FGF1: variants seen among roughly 807,000 people sequenced by gnomAD.
FGF1 encodes the protein fibroblast growth factor 1, also known as beta-endothelial cell growth factor.
A neutral mutation model predicts 13.4 loss-of-function variants in FGF1; 9 were observed. That is an observed-to-expected ratio of 0.67 (90% confidence interval 0.40 to 1.17). FGF1 has a LOEUF of 1.17. FGF1 is among the 50% of genes most tolerant of loss of function. The pLI, the probability that FGF1 is intolerant of heterozygous loss-of-function variation, is 0.01. For synonymous variants in FGF1, 93 were observed against 79.0 expected (o/e 1.18, Z -0.94); for missense variants, 156 against 192.7 (o/e 0.81, Z 1.13).
At chr5:142,604,592 G>A (rs1268924491) in intron 2 of FGF1, among the ~76,000 whole-genome samples, 4 of 152,100 alleles carry the variant, frequency 2.6e-5, no homozygotes, top group South Asian at 2.1e-4. Context: ...TTGTTGTAAG[G>A]GCTAATGCAT....
intron 1 of FGF1, among the ~76,000 whole-genome samples, chr5:142,619,467 T>C (rs1472108180): frequency 2.0e-5 from 3 of 152,196 alleles, no homozygotes; most frequent in Non-Finnish European, 4.4e-5. Flanking sequence ...ACCCAAAATC[T>C]TAATTCTTCC....
intron 1 of FGF1, among the ~76,000 whole-genome samples, chr5:142,641,816 A>G (rs947156140): frequency 1.3e-5 from 2 of 151,872 alleles, no homozygotes; most frequent in Non-Finnish European, 2.9e-5. Flanking sequence ...GAATACGTAA[A>G]GAGAATCTTA....
chr5:142,640,429 G>GGC lies in FGF1; in HGVS notation c.-34-26269_-34-26268insGC, dbSNP rs924072564. 1.9e-4 allele frequency among the ~76,000 whole-genome samples: 28 copies of GGC among 150,154 alleles called. 1 individual carries two copies. The highest frequency in any genetic ancestry group is 8.6e-4 in the South Asian group (4 of 4,660). The stretch of plus-strand genomic sequence containing the variant: ...TGCACCAGGAGGTGGAGTATGGTGG[G>GGC]GGGGGGGGTCTCTCTGAGAAGCGGC... On this transcript the variant is annotated intron_variant, in intron 1 of 3. Coordinates refer to ENST00000337706, the MANE Select transcript of FGF1 (RefSeq NM_000800.5).
At chr5:142,602,157 C>T (rs1756699778) in intron 2 of FGF1, among the ~76,000 whole-genome samples, 1 of 150,862 alleles carries the variant, frequency 6.6e-6, no homozygotes, top group Non-Finnish European at 1.5e-5. Context: ...CCCTCATTGC[C>T]TTTTCTTTGT....
chr5:142,633,390 TTCTC>T (rs1763675535), intron 1 of FGF1, among the ~76,000 whole-genome samples: 1 of 152,228 alleles, frequency 6.6e-6, no homozygotes. Flanking sequence ...ATTCCTTGAC[TTCTC>T]TCTACTTCCT....
intron 1 of FGF1, among the ~76,000 whole-genome samples, chr5:142,627,596 A>G (rs993962018): frequency 6.6e-6 from 1 of 152,202 alleles, no homozygotes; most frequent in African/African-American, 2.4e-5. Context: ...GTCAGACTCC[A>G]TTCTGGATCT....
intron 1 of FGF1, among the ~76,000 whole-genome samples, chr5:142,632,027 C>T (rs181171844): frequency 2.2e-3 from 342 of 152,202 alleles, no homozygotes; most frequent in African/African-American, 7.7e-3. Context: ...GTGATCCACC[C>T]GCCTTGGCCT....
intron 1 of FGF1, among the ~76,000 whole-genome samples, chr5:142,631,524 A>T (rs1306620012): frequency 1.3e-5 from 2 of 152,130 alleles, no homozygotes; most frequent in Admixed American, 6.5e-5. Flanking sequence ...TTCTGAAATT[A>T]TTTCCCCACT....
intron 2 of FGF1, 61 bp downstream of exon 2, chr5:142,613,898 T>G: frequency 6.4e-6 from 10 of 1,561,712 alleles, no homozygotes; most frequent in Non-Finnish European, 8.7e-6. Flanking sequence ...TGCACCTTCC[T>G]CCCACCTTGA....
intron 1 of FGF1, 40 bp from the exon 2 acceptor site, chr5:142,614,201 C>G: frequency 6.5e-7 from 1 of 1,527,410 alleles, no homozygotes; most frequent in Admixed American, 1.8e-5. Flanking sequence ...GTTCTTCCAG[C>G]AAAGGCACAA....
intron 1 of FGF1, among the ~76,000 whole-genome samples, chr5:142,683,082 C>T (rs1345306038): frequency 6.6e-6 from 1 of 152,198 alleles, no homozygotes; most frequent in Non-Finnish European, 1.5e-5. Flanking sequence ...AGAAAAAGTA[C>T]TCTCACCCAC....
intron 1 of FGF1, among the ~76,000 whole-genome samples, chr5:142,666,684 T>C (rs1770441411): frequency 6.6e-6 from 1 of 152,190 alleles, no homozygotes; most frequent in Non-Finnish European, 1.5e-5. Context: ...ACGCCTACAA[T>C]CCCAGTACTT....
rs1456241182 is a variant in FGF1 at position 142,604,506 on chromosome 5, G to A, written c.170-3701C>T. On this transcript the variant is annotated intron_variant, in intron 2 of 3. Coordinates refer to ENST00000337706, the MANE Select transcript of FGF1 (RefSeq NM_000800.5). ...CCAGAACACAACTGCATGAACTCAA[G>A]TTCTGCTTGGCTGCCTATTAGCTGT... Among the ~76,000 whole-genome samples, 3 of 152,218 alleles carry A rather than the reference G, an allele frequency of 2.0e-5. No individual in the cohort carries two copies. In the South Asian group the frequency reaches 6.2e-4, roughly 32 times the overall value.
intron 1 of FGF1, among the ~76,000 whole-genome samples, chr5:142,676,639 GA>G (rs1370095275): frequency 6.6e-6 from 1 of 152,146 alleles, no homozygotes; most frequent in Non-Finnish European, 1.5e-5. Flanking sequence ...CTGAAATAGG[GA>G]AAGGTTAATG....
At chr5:142,623,746 A>T (rs112750769) in intron 1 of FGF1, among the ~76,000 whole-genome samples, 1,995 of 146,032 alleles carry the variant, frequency 0.014, 44 homozygotes, top group African/African-American at 0.045. Context: ...CATTAAAAAA[A>T]TTTTTTTTTT....
intron 2 of FGF1, among the ~76,000 whole-genome samples, chr5:142,606,999 A>C (rs1757822920): frequency 6.6e-6 from 1 of 152,136 alleles, no homozygotes; most frequent in African/African-American, 2.4e-5. Context: ...ATCTCCCCTG[A>C]TTCTCCTTCA....
chr5:142,663,011 A>G (rs1769558096), intron 1 of FGF1, among the ~76,000 whole-genome samples: 1 of 152,042 alleles, frequency 6.6e-6, no homozygotes. Context: ...AGTTGTAGAG[A>G]TGGGGTCTTG....
chr5:142,601,101 C>A, intron 2 of FGF1: 1 of 558,118 alleles, frequency 1.8e-6, no homozygotes, highest in Non-Finnish European at 3.5e-6. Flanking sequence ...CACGGTGCCT[C>A]GCTCCTTTCT....
chr5:142,633,540 C>T (rs1214858726), intron 1 of FGF1, among the ~76,000 whole-genome samples: 1 of 152,192 alleles, frequency 6.6e-6, no homozygotes, highest in Non-Finnish European at 1.5e-5. Context: ...TGAAGACATA[C>T]AGTAGCATTC....
Sources: gnomAD v4.1 joint callset for allele counts (sites outside exome capture counted in the v4.1 genomes callset) on GRCh38, gnomAD v4.1.1 for gene constraint, MANE v1.5 for transcripts, NCBI Gene and HGNC (gene_info 2026-07-23, HGNC 2026-07-21) for gene names.